The following MED13L variants were observed in gnomAD, a reference collection of about 807,000 sequenced individuals.
MED13L encodes the protein mediator of RNA polymerase II transcription subunit 13-like.
A neutral mutation model predicts 220.9 loss-of-function variants in MED13L; 7 were observed. The ratio of observed to expected loss-of-function variants is 0.03; its 90% CI spans 0.02 to 0.06. The LOEUF is 0.06. MED13L is among the 10% of genes least tolerant of loss of function. MED13L has a pLI of 1.00. For synonymous variants in MED13L, 1,011 were observed against 1,015.2 expected (o/e 1.00, Z 0.08); for missense variants, 1,965 against 2,760.5 (o/e 0.71, Z 6.46).
At chr12:116,181,134 T>C (rs1880490801) in intron 2 of MED13L, 1 of 152,246 alleles carries the variant, frequency 6.6e-6, no homozygotes. Context: ...TTTCACCATG[T>C]TGGTCAGGCT....
chr12:115,992,303 A>T (rs541333999), intron 16 of MED13L, among the ~76,000 whole-genome samples: 1 of 152,344 alleles, frequency 6.6e-6, no homozygotes, highest in African/African-American at 2.4e-5. Flanking sequence ...TGAAAAGTTA[A>T]CTACTAAATG....
chr12:116,180,919 A>G (rs933092570), intron 2 of MED13L, among the ~76,000 whole-genome samples: 1 of 143,842 alleles, frequency 7.0e-6, no homozygotes, highest in Non-Finnish European at 1.5e-5. Context: ...AAAATGAGTT[A>G]TTTCTCTCTC....
chr12:116,103,626 T>C (rs949260939), intron 3 of MED13L, among the ~76,000 whole-genome samples: 1 of 152,172 alleles, frequency 6.6e-6, no homozygotes, highest in Non-Finnish European at 1.5e-5. Flanking sequence ...ATTCCTTCCC[T>C]TGACTGAAAA....
intron 4 of MED13L, among the ~76,000 whole-genome samples, chr12:116,031,966 T>C (rs1202681549): frequency 1.3e-5 from 2 of 152,206 alleles, no homozygotes; most frequent in African/African-American, 4.8e-5. Flanking sequence ...TCAACAATAG[T>C]TGTACTCCTA....
chr12:115,971,646 C>T (rs967586821), intron 26 of MED13L, among the ~76,000 whole-genome samples: 12 of 152,212 alleles, frequency 7.9e-5, no homozygotes, highest in Middle Eastern at 3.2e-3. Flanking sequence ...CCTTCCCATT[C>T]ATCTTCAACC....
intron 1 of MED13L, among the ~76,000 whole-genome samples, chr12:116,246,003 T>C (rs1457892831): frequency 6.6e-6 from 1 of 151,774 alleles, no homozygotes; most frequent in Non-Finnish European, 1.5e-5. Context: ...TAAGAGAAAA[T>C]CCTCCAAGTT....
intron 4 of MED13L, among the ~76,000 whole-genome samples, chr12:116,029,498 C>T (rs1298782762): frequency 6.6e-6 from 1 of 152,022 alleles, no homozygotes; most frequent in Non-Finnish European, 1.5e-5. Flanking sequence ...GTAAACCCAT[C>T]TACGTATTGC....
intron 1 of MED13L, among the ~76,000 whole-genome samples, chr12:116,247,689 G>A (rs1332785144): frequency 3.3e-5 from 5 of 151,766 alleles, no homozygotes; most frequent in East Asian, 3.9e-4. Flanking sequence ...AGATGCTAAC[G>A]TATATATATA....
intron 1 of MED13L, 66 bp downstream of exon 1, chr12:116,276,994 G>C: frequency 6.7e-7 from 1 of 1,499,184 alleles, no homozygotes; most frequent in Non-Finnish European, 9.1e-7. Context: ...AAGTTGGTCG[G>C]CGGCGGAGGT....
At chr12:116,275,413 A>G (rs1412105498) in intron 1 of MED13L, among the ~76,000 whole-genome samples, 1 of 152,244 alleles carries the variant, frequency 6.6e-6, no homozygotes, top group African/African-American at 2.4e-5. Context: ...TTCATTTAAA[A>G]AAATTTACCT....
chr12:116,017,708 A>ACCTCCT (rs1566012824), intron 7 of MED13L, among the ~76,000 whole-genome samples: 5 of 151,984 alleles, frequency 3.3e-5, no homozygotes, highest in African/African-American at 1.2e-4. Flanking sequence ...CTCCACCTCC[A>ACCTCCT]GGGCTCAAGC....
chr12:116,042,379 T>C (rs1881585164), intron 4 of MED13L, among the ~76,000 whole-genome samples: 1 of 152,270 alleles, frequency 6.6e-6, no homozygotes, highest in South Asian at 2.1e-4. Flanking sequence ...CCTATGATTC[T>C]GATGATTCTG....
intron 4 of MED13L, among the ~76,000 whole-genome samples, chr12:116,031,745 GA>G (rs1409097071): frequency 0.046 from 2,209 of 47,870 alleles, 215 homozygotes; most frequent in African/African-American, 0.1. Flanking sequence ...GAAAAGAAAA[GA>G]AAAGAAAAGA....
chr12:116,203,415 G>GT (rs34200641), intron 2 of MED13L, among the ~76,000 whole-genome samples: 6,448 of 143,698 alleles, frequency 0.045, 202 homozygotes, highest in South Asian at 0.15. Flanking sequence ...TTTGTTTTGT[G>GT]TTTTTTTTTT....
chr12:116,078,333 A>AT (rs1467036411), intron 4 of MED13L, among the ~76,000 whole-genome samples: 4 of 152,168 alleles, frequency 2.6e-5, no homozygotes, highest in Non-Finnish European at 5.9e-5. Context: ...TCTACATATA[A>AT]TTTAATTTCT....
intron 1 of MED13L, among the ~76,000 whole-genome samples, chr12:116,242,542 C>T (rs977192376): frequency 4.6e-5 from 7 of 151,974 alleles, no homozygotes; most frequent in Non-Finnish European, 1.0e-4. Flanking sequence ...AATATAGAAC[C>T]AAAACGATGA....
At chr12:116,123,061 A>T (rs1383023820) in intron 2 of MED13L, among the ~76,000 whole-genome samples, 2 of 152,194 alleles carry the variant, frequency 1.3e-5, no homozygotes, top group African/African-American at 2.4e-5. Context: ...TTTTAAAATG[A>T]TTACCATTTT....
At chr12:116,076,661 C>T (rs1870828514) in intron 4 of MED13L, among the ~76,000 whole-genome samples, 1 of 152,154 alleles carries the variant, frequency 6.6e-6, no homozygotes, top group Non-Finnish European at 1.5e-5. Flanking sequence ...ATGTATGAAT[C>T]ACCATAATAT....
intron 4 of MED13L, among the ~76,000 whole-genome samples, chr12:116,072,004 T>C (rs1017072185): frequency 6.6e-6 from 1 of 152,234 alleles, no homozygotes; most frequent in Non-Finnish European, 1.5e-5. Flanking sequence ...ATTAGATTTT[T>C]ATTCACATTG....
Sources: allele counts gnomAD v4.1 joint callset (sites outside exome capture counted in the v4.1 genomes callset), GRCh38; gene constraint gnomAD v4.1.1; transcripts MANE v1.5; gene names NCBI Gene and HGNC (gene_info 2026-07-23, HGNC 2026-07-21).